Variants in PECAM1 observed in about 807,000 individuals in gnomAD.
PECAM1 encodes the protein platelet endothelial cell adhesion molecule.
Under a neutral mutation model 13.8 loss-of-function variants are expected in PECAM1, and 8 were observed. The observed-to-expected ratio is 0.58, with a 90% CI of 0.34 to 1.05. The LOEUF is 1.05. Ranked by LOEUF, PECAM1 falls within the 50% of genes least tolerant of loss-of-function variation. The pLI, the probability that PECAM1 is intolerant of heterozygous loss-of-function variation, is 0.03. For missense variants in PECAM1, 304 were observed against 141.2 expected, an observed-to-expected ratio of 2.15 and a Z score of -5.84; for synonymous variants, 136 against 52.6, an observed-to-expected ratio of 2.58 and a Z score of -6.86.
At chr17:64,388,505 G>A (rs1243826637) in intron 2 of PECAM1, among the ~76,000 whole-genome samples, 1 of 152,122 alleles carries the variant, frequency 6.6e-6, no homozygotes, top group Non-Finnish European at 1.5e-5. Flanking sequence ...TCATCCCCAT[G>A]TTACAGATTG....
In PECAM1 at chr17:64,364,379, G is replaced by A. The variant is rs1392499516; in HGVS notation, c.968-982C>T. Reference sequence around the variant, plus strand: ...TCCAGGACCAGATGGATTCACAGCCGAATTCTACCAGAGGTACAAGGAGGA... The same window carrying A: ...TCCAGGACCAGATGGATTCACAGCCAAATTCTACCAGAGGTACAAGGAGGA... On this transcript the variant is annotated intron_variant, in intron 5 of 15. Coordinates refer to ENST00000563924, the MANE Select transcript of PECAM1 (RefSeq NM_000442.5). Among the ~76,000 whole-genome samples, 11 of 151,946 alleles carry A rather than the reference G, an allele frequency of 7.2e-5. No individual in the cohort carries two copies. The East Asian group carries it at 1.4e-3, about 19-fold the overall frequency.
At chr17:64,362,638 C>A (rs963657763) in intron 6 of PECAM1, among the ~76,000 whole-genome samples, 1 of 150,726 alleles carries the variant, frequency 6.6e-6, no homozygotes, top group Non-Finnish European at 1.5e-5. Context: ...GGTGACAGAG[C>A]GAGACTGCAT....
chr17:64,388,832 A>G (rs2036656234), intron 2 of PECAM1, among the ~76,000 whole-genome samples: 1 of 151,870 alleles, frequency 6.6e-6, no homozygotes. Context: ...ATGTCCAGCT[A>G]ATTTTTTGTA....
chr17:64,345,667 T>C (rs2035546306), intron 13 of PECAM1, among the ~76,000 whole-genome samples: 1 of 147,298 alleles, frequency 6.8e-6, no homozygotes, highest in Non-Finnish European at 1.5e-5. Flanking sequence ...GTGCCGAAAC[T>C]GTGCCATTGC....
intron 13 of PECAM1, among the ~76,000 whole-genome samples, chr17:64,347,211 TTTAA>T (rs2035589310): frequency 6.6e-6 from 1 of 152,046 alleles, no homozygotes; most frequent in African/African-American, 2.4e-5. Context: ...TCTATTTTTC[TTTAA>T]TTAATTTTTA....
At chr17:64,357,677 A>G (rs60196142) in intron 7 of PECAM1, among the ~76,000 whole-genome samples, 146,162 of 152,232 alleles carry the variant, frequency 0.96, 70,433 homozygotes, top group South Asian at 1. Context: ...AGCCTCAGTT[A>G]CGTCATGATA....
In PECAM1 at chr17:64,369,808, C is replaced by T. The variant is rs1043469553; in HGVS notation, c.909G>A (p.Thr303=). 2.8e-5 allele frequency: 11 copies of T among 398,558 alleles called. No homozygotes were observed. The highest frequency in any genetic ancestry group is 2.5e-4 in the East Asian group (7 of 28,100). 24.7% of individuals were successfully genotyped at this position (398,558 alleles called of 1,614,324 possible). Residue 303 remains threonine, a synonymous_variant, in exon 5 of 16, where the codon ACG becomes ACA. Coordinates refer to ENST00000563924, the MANE Select transcript of PECAM1 (RefSeq NM_000442.5). ...MAMVEHSGNY[T]CKVESSRISK... ...ATATGCGGCTGGACTCCACTTTGCA[C>T]GTGTAGTTGCCACTGTGCTCCACCA...
In PECAM1 at chr17:64,366,880, C is replaced by T. The variant is rs1321871268; in HGVS notation, c.967+2870G>A. Among the ~76,000 whole-genome samples the T allele has an allele frequency of 5.4e-5, 8 of 148,938 alleles. No individual in the cohort carries two copies. The South Asian group carries it at 8.6e-4, about 16-fold the overall frequency. On this transcript the variant is annotated intron_variant, in intron 5 of 15. Transcript: ENST00000563924. ...AGGAGATATACCTAATGCTAAATGA[C>T]GAGTTAATGGGTGCGGTACACCAGC... is the stretch of plus-strand genomic sequence containing the variant.
intron 2 of PECAM1, among the ~76,000 whole-genome samples, 177 bp from the exon 3 acceptor site, chr17:64,378,294 G>T (rs1009088240): frequency 7.1e-4 from 108 of 152,196 alleles, no homozygotes; most frequent in African/African-American, 2.4e-3. Flanking sequence ...TCAAGCAGGA[G>T]GCAGTTGGTA....
chr17:64,321,951 CGT>C lies in PECAM1; in HGVS notation c.*1863_*1864del. On this transcript the variant is annotated 3_prime_UTR_variant, in exon 16 of 16. Transcript: ENST00000563924. ...CAGAGACATGAAGGTCGTTAGAGGT[CGT>C]CTGATCCTTTGACCTCAATCTGAGC... 1.5e-6 allele frequency: 2 copies of C among 1,312,828 alleles called. No individual in the cohort carries two copies. The highest frequency in any genetic ancestry group is 2.0e-6 in the Non-Finnish European group (2 of 992,916). 81.3% of individuals were successfully genotyped at this position (1,312,828 alleles called of 1,614,324 possible).
chr17:64,381,652 G>A (rs1366822836), intron 2 of PECAM1, among the ~76,000 whole-genome samples: 1 of 152,118 alleles, frequency 6.6e-6, no homozygotes, highest in Non-Finnish European at 1.5e-5. Flanking sequence ...CAACAAAAAT[G>A]GTGTCTGACC....
chr17:64,342,597 G>A (rs1275739116), intron 13 of PECAM1, among the ~76,000 whole-genome samples: 1 of 152,022 alleles, frequency 6.6e-6, no homozygotes, highest in Non-Finnish European at 1.5e-5. Context: ...GATTGGTCTG[G>A]GGGGGTCCCT....
intron 2 of PECAM1, among the ~76,000 whole-genome samples, chr17:64,382,454 TTAAAG>T (rs2036501574): frequency 1.3e-5 from 2 of 152,238 alleles, no homozygotes; most frequent in South Asian, 4.1e-4. Context: ...GTTTAATTAC[TTAAAG>T]TAGAGTTCCT....
chr17:64,322,013 T>A lies in PECAM1; in HGVS notation c.*1803A>T, dbSNP rs1169276707. The A allele has an allele frequency of 8.1e-7, 1 of 1,227,612 alleles. No homozygotes were observed. The highest frequency in any genetic ancestry group is 5.5e-5 in the East Asian group (1 of 18,124). 76.0% of individuals were successfully genotyped at this position (1,227,612 alleles called of 1,614,324 possible). A position where few individuals can be genotyped will look rare whatever the true frequency, so the allele number is the denominator to read the frequency against. On this transcript the variant is annotated 3_prime_UTR_variant, in exon 16 of 16. Transcript: ENST00000563924. Reference sequence around the variant, plus strand: ...AGAAAACCTGGAAATTGTATGACATTTTCGTGATACAACTCGGTGTGTGTG... The same window carrying A: ...AGAAAACCTGGAAATTGTATGACATATTCGTGATACAACTCGGTGTGTGTG...
At chr17:64,353,376 A>G (rs1568020308) in intron 10 of PECAM1, 115 bp downstream of exon 10, 2 of 410,348 alleles carry the variant, frequency 4.9e-6, no homozygotes, top group Non-Finnish European at 4.4e-6. Context: ...AGGAAGGCCT[A>G]TATTTTTCTA....
At chr17:64,360,894 C>T (rs993119384) in intron 6 of PECAM1, among the ~76,000 whole-genome samples, 42 of 148,146 alleles carry the variant, frequency 2.8e-4, no homozygotes, top group African/African-American at 8.8e-4. Flanking sequence ...TGCACTGGTG[C>T]GATGACAGCT....
intron 14 of PECAM1, among the ~76,000 whole-genome samples, chr17:64,336,575 C>T (rs1335880031): frequency 6.6e-6 from 1 of 152,170 alleles, no homozygotes; most frequent in Admixed American, 6.5e-5. Context: ...TGCTCTTTAG[C>T]AACCAGTAAG....
At chr17:64,387,651 A>G (rs2036626917) in intron 2 of PECAM1, among the ~76,000 whole-genome samples, 1 of 152,144 alleles carries the variant, frequency 6.6e-6, no homozygotes, top group Non-Finnish European at 1.5e-5. Flanking sequence ...GTGTCCTCCG[A>G]GGCCGGGAGG....
intron 13 of PECAM1, among the ~76,000 whole-genome samples, chr17:64,343,976 T>A (rs2035498961): frequency 6.6e-6 from 1 of 152,086 alleles, no homozygotes; most frequent in South Asian, 2.1e-4. Flanking sequence ...AGAGGAAAGG[T>A]GATCGGGCCT....
Sources: gnomAD v4.1 joint callset for allele counts (sites outside exome capture counted in the v4.1 genomes callset) on GRCh38, gnomAD v4.1.1 for gene constraint, MANE v1.5 for transcripts, NCBI Gene and HGNC (gene_info 2026-07-23, HGNC 2026-07-21) for gene names.